BPIFB2: variants seen among roughly 807,000 people sequenced by gnomAD.
BPIFB2 encodes BPI fold-containing family B member 2.
A neutral mutation model predicts 50.1 loss-of-function variants in BPIFB2; 39 were observed. That is an observed-to-expected ratio of 0.78 (90% CI 0.60 to 1.02). BPIFB2 has a LOEUF of 1.02. Ranked by LOEUF, BPIFB2 falls within the 50% of genes least tolerant of loss-of-function variation. The probability of loss-of-function intolerance (pLI) is 0.00; values close to 1 mark genes in which losing one functional copy is unlikely to be tolerated. For missense variants in BPIFB2, 574 were observed against 585.8 expected, an observed-to-expected ratio of 0.98 and a Z score of 0.21; for synonymous variants, 280 against 256.3, an observed-to-expected ratio of 1.09 and a Z score of -0.88.
chr20:33,016,813 G>T (rs1416086299), intron 6 of BPIFB2, among the ~76,000 whole-genome samples: 1 of 152,234 alleles, frequency 6.6e-6, no homozygotes, highest in East Asian at 1.9e-4. Flanking sequence ...TCCGTGCCTG[G>T]GGACCTATGC....
Position 33,015,441 on chromosome 20 carries a change from C to G in BPIFB2, c.461C>G (p.Ser154Cys). The G allele has an allele frequency of 6.2e-7, 1 of 1,613,262 alleles. No homozygotes were observed. The highest frequency in any genetic ancestry group is 8.5e-7 in the Non-Finnish European group (1 of 1,179,722). Residue 154 changes from serine (S) to cysteine (C), a missense_variant, in exon 6 of 16, where the codon TCC becomes TGC. Transcript: ENST00000170150. The part of the protein sequence containing the change: ...ANEFDGSNST[S>C]HALLVLVQKH... Reference sequence around the variant, plus strand: ...TTTCTGTGTTTCTCCCTCAGCACCTCCCACGCGCTGCTGGTCCTGGTGCAG... The same window carrying G: ...TTTCTGTGTTTCTCCCTCAGCACCTGCCACGCGCTGCTGGTCCTGGTGCAG...
Position 33,009,171 on chromosome 20 carries a change from G to A in BPIFB2, c.109+488G>A, listed in dbSNP as rs772021765. On this transcript the variant is annotated intron_variant, in intron 2 of 15. Coordinates refer to ENST00000170150, the MANE Select transcript of BPIFB2 (RefSeq NM_025227.3). The surrounding 1 kb of genome is among the most constrained non-coding windows in gnomAD (Gnocchi z 4.2). Reference sequence around the variant, plus strand: ...TCTTGGGAGAGGTCTGTCTAGCACCGTGATGCAAGGAGTGTTCTAAAGTTA... The same window carrying A: ...TCTTGGGAGAGGTCTGTCTAGCACCATGATGCAAGGAGTGTTCTAAAGTTA... Among the ~76,000 whole-genome samples the A allele has an allele frequency of 6.6e-6, 1 of 152,150 alleles. No homozygotes were observed. The highest frequency in any genetic ancestry group is 1.5e-5 in the Non-Finnish European group (1 of 68,028).
chr20:33,023,466 G>T lies in BPIFB2; in HGVS notation c.*83G>T. ...ATTTCAAGCCACTGGGGAAACTGAG[G>T]CAAAACCATACTTAGTCATCACCAA... On this transcript the variant is annotated 3_prime_UTR_variant, in exon 16 of 16. Coordinates refer to ENST00000170150, the MANE Select transcript of BPIFB2 (RefSeq NM_025227.3). The T allele has an allele frequency of 1.3e-6, 2 of 1,498,056 alleles. No homozygotes were observed. The highest frequency in any genetic ancestry group is 1.1e-5 in the South Asian group (1 of 88,134). The allele number at this position is 1,498,056 out of a possible 1,614,324, so 92.8% of individuals were successfully genotyped here. A position where few individuals can be genotyped will look rare whatever the true frequency, so the allele number is the denominator to read the frequency against.
In BPIFB2 at chr20:33,021,358, T is replaced by C; in HGVS notation, c.1258+14T>C. 1 of 1,608,568 alleles carries C rather than the reference T, an allele frequency of 6.2e-7. No homozygotes were observed. The highest frequency in any genetic ancestry group is 8.5e-7 in the Non-Finnish European group (1 of 1,177,312). ...ACCATCTCAATGGTAAGCCCTGCCCTCCACCCCAGCAGGGCCCCTCTGGCC... is the reference window on the plus strand; with the variant it reads ...ACCATCTCAATGGTAAGCCCTGCCCCCCACCCCAGCAGGGCCCCTCTGGCC... On this transcript the variant is annotated intron_variant, in intron 14 of 15. Coordinates refer to ENST00000170150, the MANE Select transcript of BPIFB2 (RefSeq NM_025227.3).
intron 4 of BPIFB2, among the ~76,000 whole-genome samples, chr20:33,013,237 C>G (rs151251525): frequency 6.6e-6 from 1 of 152,158 alleles, no homozygotes; most frequent in African/African-American, 2.4e-5. Context: ...TGACTGTCCT[C>G]TCTTTCCCAG....
At chr20:33,021,506 T>C (rs1568980053) in intron 14 of BPIFB2, among the ~76,000 whole-genome samples, 162 bp downstream of exon 14, 1 of 152,214 alleles carries the variant, frequency 6.6e-6, no homozygotes, top group African/African-American at 2.4e-5. Flanking sequence ...TTGGCACATA[T>C]CTGTGTAGCA....
chr20:33,019,555 G>C, intron 10 of BPIFB2, 25 bp from the exon 11 acceptor site: 1 of 1,558,624 alleles, frequency 6.4e-7, no homozygotes, highest in Non-Finnish European at 8.7e-7. Flanking sequence ...CCTCAGCAGG[G>C]CCTCCTCCGC....
intron 5 of BPIFB2, 75 bp downstream of exon 5, chr20:33,014,031 C>T (rs1413826316): frequency 5.9e-6 from 9 of 1,532,660 alleles, no homozygotes; most frequent in Non-Finnish European, 7.9e-6. Flanking sequence ...GAGCTGCCCA[C>T]TCAGGACTTT....
intron 7 of BPIFB2, 103 bp downstream of exon 7, chr20:33,017,205 A>T: frequency 9.4e-7 from 1 of 1,058,260 alleles, no homozygotes; most frequent in Admixed American, 3.2e-5. Flanking sequence ...GACCTCTAGG[A>T]GAGTCAGTTG....
intron 9 of BPIFB2, 114 bp downstream of exon 9, chr20:33,018,936 C>A (rs1358506251): frequency 2.5e-5 from 39 of 1,571,310 alleles, no homozygotes; most frequent in Non-Finnish European, 3.2e-5. Flanking sequence ...GAAGCTGGCG[C>A]CACAGGGTGG....
In BPIFB2 at chr20:33,023,631, GC is replaced by G; in HGVS notation, c.*249del. 1.7e-6 allele frequency: 1 copy of G among 593,652 alleles called. No homozygotes were observed. The highest frequency in any genetic ancestry group is 3.0e-6 in the Non-Finnish European group (1 of 331,324). The allele number at this position is 593,652 out of a possible 1,614,324, so 36.8% of individuals were successfully genotyped here. ...CCCCTCCTTCCTCTGCCCCACCCCA[GC>G]GGGGAGCAGACTGCTCCTCCAGGCT... On this transcript the variant is annotated 3_prime_UTR_variant, in exon 16 of 16. Coordinates refer to ENST00000170150, the MANE Select transcript of BPIFB2 (RefSeq NM_025227.3).
At chr20:33,023,314 C>T in intron 15 of BPIFB2, 28 bp from the exon 16 acceptor site, 2 of 1,611,816 alleles carry the variant, frequency 1.2e-6, no homozygotes, top group Non-Finnish European at 1.7e-6. Context: ...CTCCTCTGAC[C>T]TGGTCCATGG....
Position 33,013,861 on chromosome 20 carries a change from C to T in BPIFB2, c.360C>T (p.Thr120=). ...LTLPVELLAD[T]RVTQSSIRTP... ...TGCCTGTGGAACTGCTGGCTGACACCCGCGTGACCCAGAGCTCCATCAGGA... is the reference window on the plus strand; with the variant it reads ...TGCCTGTGGAACTGCTGGCTGACACTCGCGTGACCCAGAGCTCCATCAGGA... The change falls in exon 5 of 16, where the codon ACC becomes ACT. Residue 120 remains threonine (T), a synonymous_variant. Coordinates refer to ENST00000170150, the MANE Select transcript of BPIFB2 (RefSeq NM_025227.3). 1.2e-6 allele frequency: 2 copies of T among 1,614,112 alleles called. No homozygotes were observed. Among genetic ancestry groups the T allele is most frequent in the Non-Finnish European group, 1.7e-6 (2 of 1,180,000 alleles).
chr20:33,023,622 C>T lies in BPIFB2; in HGVS notation c.*239C>T. 3.3e-6 allele frequency: 2 copies of T among 604,934 alleles called. No homozygotes were observed. The highest frequency in any genetic ancestry group is 5.9e-6 in the Non-Finnish European group (2 of 336,876). 37.5% of individuals were successfully genotyped at this position (604,934 alleles called of 1,614,324 possible). On this transcript the variant is annotated 3_prime_UTR_variant, in exon 16 of 16. Transcript: ENST00000170150. ...CTCATCTCCCCCCTCCTTCCTCTGCCCCACCCCAGCGGGGAGCAGACTGCT... is the reference window on the plus strand; with the variant it reads ...CTCATCTCCCCCCTCCTTCCTCTGCTCCACCCCAGCGGGGAGCAGACTGCT...
intron 6 of BPIFB2, among the ~76,000 whole-genome samples, chr20:33,015,816 C>T (rs957970150): frequency 2.6e-5 from 4 of 151,922 alleles, no homozygotes; most frequent in African/African-American, 4.8e-5. Context: ...GAAGACAGAA[C>T]GAGAGTGAAC....
At chr20:33,021,942 A>G in intron 15 of BPIFB2, 143 bp downstream of exon 15, 2 of 793,050 alleles carry the variant, frequency 2.5e-6, no homozygotes, top group East Asian at 5.2e-5. Flanking sequence ...AAAGTCCAGG[A>G]TGCCAAGAGA....
At chr20:33,016,165 G>A (rs73121517) in intron 6 of BPIFB2, among the ~76,000 whole-genome samples, 3,676 of 152,020 alleles carry the variant, frequency 0.024, 73 homozygotes, top group Non-Finnish European at 0.036. Context: ...GCTTTAAGGG[G>A]CAGTAGTAGA....
chr20:33,010,502 G>C (rs987406151), intron 2 of BPIFB2, among the ~76,000 whole-genome samples: 1 of 152,238 alleles, frequency 6.6e-6, no homozygotes, highest in African/African-American at 2.4e-5. Context: ...CTGAGGCACA[G>C]AGTAGCCACA....
chr20:33,021,505 A>G (rs1978670751), intron 14 of BPIFB2, among the ~76,000 whole-genome samples, 161 bp downstream of exon 14: 1 of 152,172 alleles, frequency 6.6e-6, no homozygotes, highest in Non-Finnish European at 1.5e-5. Flanking sequence ...CTTGGCACAT[A>G]TCTGTGTAGC....
Sources: gnomAD v4.1 joint callset for allele counts (sites outside exome capture counted in the v4.1 genomes callset) on GRCh38, gnomAD v4.1.1 for gene constraint, Gnocchi (gnomAD v3.1) non-coding constraint, MANE v1.5 for transcripts, NCBI Gene and HGNC (gene_info 2026-07-23, HGNC 2026-07-21) for gene names.